CYRIA: variants seen among roughly 807,000 people sequenced by gnomAD.
CYRIA encodes CYFIP-related Rac1 interactor A.
A neutral mutation model predicts 43.9 loss-of-function variants in CYRIA; 15 were observed. The ratio of observed to expected loss-of-function variants is 0.34; its 90% CI spans 0.23 to 0.53. The LOEUF is 0.53. CYRIA is among the 20% of genes least tolerant of loss of function. The pLI is 0.94. For synonymous variants in CYRIA, 117 were observed against 136.0 expected (o/e 0.86, Z 0.97); for missense variants, 236 against 394.2 (o/e 0.60, Z 3.40).
intron 2 of CYRIA, among the ~76,000 whole-genome samples, chr2:16,588,812 A>T (rs1021974215): frequency 2.6e-5 from 4 of 152,144 alleles, no homozygotes; most frequent in African/African-American, 9.7e-5. Context: ...TCCAATGGTA[A>T]TGAGATTGGA....
chr2:16,585,759 G>A (rs1667706780), intron 3 of CYRIA, among the ~76,000 whole-genome samples: 2 of 152,276 alleles, frequency 1.3e-5, no homozygotes, highest in South Asian at 2.1e-4. Context: ...GGGCAAAGCA[G>A]AGTACTCTGG....
chr2:16,566,271 C>T (rs190138288), intron 3 of CYRIA, among the ~76,000 whole-genome samples: 1 of 152,308 alleles, frequency 6.6e-6, no homozygotes, highest in East Asian at 1.9e-4. Context: ...CACACTCCAT[C>T]TCCATGACTC....
chr2:16,565,481 C>T lies in CYRIA; in HGVS notation c.192+165G>A, dbSNP rs564405946. 6.6e-5 allele frequency among the ~76,000 whole-genome samples: 10 copies of T among 152,236 alleles called. No individual in the cohort carries two copies. The East Asian group carries it at 1.4e-3, about 21-fold the overall frequency. On this transcript the variant is annotated intron_variant, in intron 4 of 11. Coordinates refer to ENST00000381323, the MANE Select transcript of CYRIA (RefSeq NM_030797.4). The stretch of plus-strand genomic sequence containing the variant: ...GATTATAGGCGTGAGCCACCGCAGC[C>T]GGCCCATGCATTTTGTTTTTAAGGA...
intron 1 of CYRIA, among the ~76,000 whole-genome samples, chr2:16,635,981 T>C (rs926291546): frequency 1.3e-5 from 2 of 152,116 alleles, no homozygotes; most frequent in African/African-American, 4.8e-5. Flanking sequence ...GCGACCGACA[T>C]TGTGGCAAGC....
At chr2:16,608,546 T>C (rs997207194) in intron 2 of CYRIA, among the ~76,000 whole-genome samples, 2 of 152,230 alleles carry the variant, frequency 1.3e-5, no homozygotes, top group African/African-American at 4.8e-5. Context: ...GGAAAGGGAA[T>C]CATTTCATGG....
rs371480642 is a variant in CYRIA at position 16,561,033 on chromosome 2, G to A, written c.667C>T (p.Leu223Phe). The A allele has an allele frequency of 6.2e-7, 1 of 1,613,784 alleles. No individual in the cohort carries two copies. The highest frequency in any genetic ancestry group is 8.5e-7 in the Non-Finnish European group (1 of 1,179,776). The change falls in exon 9 of 12, where the codon CTC becomes TTC. Residue 223 changes from leucine (L) to phenylalanine (F), a missense_variant. Physicochemically the swap from Leu to Phe is conservative, Grantham distance 22. This residue lies in a region of CYRIA where 193 missense variants were observed against 303.9 expected (regional missense o/e 0.64). Coordinates refer to ENST00000381323, the MANE Select transcript of CYRIA (RefSeq NM_030797.4). Reference sequence around the variant, plus strand: ...TTACAGACACTTGTCATTGTGCTGAGGCAGTCTGTGGTGTTCTCTATTGGC... The same window carrying A: ...TTACAGACACTTGTCATTGTGCTGAAGCAGTCTGTGGTGTTCTCTATTGGC... ...TLPIENTTDC[L>F]STMTSVCKVM...
At chr2:16,623,555 A>G (rs534451132) in intron 2 of CYRIA, among the ~76,000 whole-genome samples, 2 of 152,288 alleles carry the variant, frequency 1.3e-5, no homozygotes, top group Admixed American at 6.5e-5. Context: ...GTCTAAATCT[A>G]GTTGGCTAGC....
intron 10 of CYRIA, among the ~76,000 whole-genome samples, 162 bp from the exon 11 acceptor site, chr2:16,555,301 T>C (rs1269694397): frequency 2.0e-5 from 3 of 152,160 alleles, no homozygotes; most frequent in Admixed American, 1.3e-4. Context: ...GCTGGTGAGC[T>C]GTTCCTCTGG....
At chr2:16,631,003 G>A (rs1408232048) in intron 1 of CYRIA, among the ~76,000 whole-genome samples, 2 of 152,190 alleles carry the variant, frequency 1.3e-5, no homozygotes, top group African/African-American at 4.8e-5. Context: ...CAAGCCAGGA[G>A]GTTGCCTTGA....
intron 2 of CYRIA, among the ~76,000 whole-genome samples, chr2:16,621,199 G>A (rs1668982356): frequency 1.3e-5 from 2 of 152,288 alleles, no homozygotes; most frequent in South Asian, 4.1e-4. Flanking sequence ...CTACCCTGAA[G>A]GCGAGAAAGA....
chr2:16,639,979 ATCTTTTAAATT>A (rs1465919469), intron 1 of CYRIA, among the ~76,000 whole-genome samples: 16 of 152,192 alleles, frequency 1.1e-4, no homozygotes, highest in African/African-American at 3.9e-4. Context: ...TTTATTTTTT[ATCTTTTAAATT>A]GAAGAGGCAG....
intron 10 of CYRIA, among the ~76,000 whole-genome samples, chr2:16,556,737 G>A (rs115467381): frequency 1.1e-3 from 175 of 152,214 alleles, no homozygotes; most frequent in African/African-American, 4.2e-3. Context: ...GGGGCAGTGA[G>A]AGCCCCTGAG....
intron 2 of CYRIA, among the ~76,000 whole-genome samples, chr2:16,610,984 C>G (rs1299544322): frequency 7.1e-6 from 1 of 140,358 alleles, no homozygotes; most frequent in African/African-American, 2.6e-5. Flanking sequence ...ATATTTACAC[C>G]TATCTGTTGA....
intron 5 of CYRIA, among the ~76,000 whole-genome samples, chr2:16,562,980 T>C (rs764653590): frequency 5.9e-5 from 9 of 152,196 alleles, no homozygotes; most frequent in Non-Finnish European, 8.8e-5. Context: ...TGCAGACATC[T>C]GCTCTATGTA....
At chr2:16,603,758 G>C (rs1412702118) in intron 2 of CYRIA, among the ~76,000 whole-genome samples, 1 of 152,178 alleles carries the variant, frequency 6.6e-6, no homozygotes, top group African/African-American at 2.4e-5. Flanking sequence ...CTTAAGGACA[G>C]GACTAGCATG....
chr2:16,581,743 T>C (rs1259352885), intron 3 of CYRIA, among the ~76,000 whole-genome samples: 1 of 152,076 alleles, frequency 6.6e-6, no homozygotes, highest in Non-Finnish European at 1.5e-5. Flanking sequence ...CCACAAATAT[T>C]CTACAAGAAT....
rs999175270 is a variant in CYRIA, at chr2:16,563,912, C to A, written c.298+77G>T. 5.8e-6 allele frequency: 6 copies of A among 1,031,390 alleles called. No homozygotes were observed. The Admixed American group carries it at 1.3e-4, about 22-fold the overall frequency. 63.9% of individuals were successfully genotyped at this position (1,031,390 alleles called of 1,614,324 possible). A position where few individuals can be genotyped will look rare whatever the true frequency, so the allele number is the denominator to read the frequency against. The stretch of plus-strand genomic sequence containing the variant: ...ATGTGGGACATTTTCCAATATGCCA[C>A]GCTGTTCCCACTACCTACTCAAACA... On this transcript the variant is annotated intron_variant, in intron 5 of 11. Coordinates refer to ENST00000381323, the MANE Select transcript of CYRIA (RefSeq NM_030797.4).
intron 1 of CYRIA, among the ~76,000 whole-genome samples, chr2:16,641,441 T>C (rs1396163539): frequency 6.6e-6 from 1 of 152,172 alleles, no homozygotes; most frequent in East Asian, 1.9e-4. Context: ...CTAAATCCTA[T>C]CCAGCATTCA....
At chr2:16,591,413 G>A (rs1667925491) in intron 2 of CYRIA, among the ~76,000 whole-genome samples, 1 of 152,136 alleles carries the variant, frequency 6.6e-6, no homozygotes, top group Admixed American at 6.5e-5. Context: ...GGTTATACTA[G>A]AGAAGTACAG....
Sources: gnomAD v4.1 joint callset for allele counts (sites outside exome capture counted in the v4.1 genomes callset) on GRCh38, gnomAD v4.1.1 for gene constraint, gnomAD v4.1.1 regional missense constraint, MANE v1.5 for transcripts, NCBI Gene and HGNC (gene_info 2026-07-23, HGNC 2026-07-21) for gene names.